Variants in CCDC57 observed in about 807,000 individuals in gnomAD.
CCDC57 encodes coiled-coil domain-containing protein 57.
In CCDC57, 118 loss-of-function variants were observed where a neutral mutation model predicts 118.9. That is an observed-to-expected ratio of 0.99 (90% CI 0.86 to 1.16). The LOEUF (loss-of-function observed/expected upper bound fraction) is 1.16. Among genes scored for constraint, CCDC57 ranks in the 50% most tolerant of loss-of-function variants. The pLI, the probability that CCDC57 is intolerant of heterozygous loss-of-function variation, is 0.00. For missense variants in CCDC57, 1,300 were observed against 1,320.7 expected (o/e 0.98, Z 0.24); for synonymous variants, 527 against 532.9 (o/e 0.99, Z 0.15).
Position 82,172,871 on chromosome 17 carries a change from C to T in CCDC57, c.1507-11G>A. ...CTGCCTGAGAAGCATCTGTCAAATA[C>T]AAGGAAAAATGGCTACAAAAAGATG... On this transcript the variant is annotated splice_polypyrimidine_tract_variant and intron_variant, in intron 11 of 19. Coordinates refer to ENST00000665763, the Ensembl canonical transcript of CCDC57. The surrounding 1 kb of genome is among the most constrained non-coding windows in gnomAD (Gnocchi z 5.2). 1 of 1,604,122 alleles carries T rather than the reference C, an allele frequency of 6.2e-7. No homozygotes were observed. Among genetic ancestry groups the T allele is most frequent in the Non-Finnish European group, 8.5e-7 (1 of 1,174,948 alleles).
chr17:82,198,258 T>G, intron 4 of CCDC57, 56 bp downstream of exon 3: 1 of 1,044,480 alleles, frequency 9.6e-7, no homozygotes, highest in South Asian at 1.3e-5. Context: ...TGATTTCAGT[T>G]TCACAGTGGG....
At chr17:82,133,696 A>C (rs373208934) in intron 17 of CCDC57, among the ~76,000 whole-genome samples, 276 of 152,172 alleles carry the variant, frequency 1.8e-3, no homozygotes, top group African/African-American at 6.4e-3. Flanking sequence ...CCCCATCTCT[A>C]CTAAAAATAC....
chr17:82,140,795 G>A (rs892031782), intron 16 of CCDC57, among the ~76,000 whole-genome samples: 1 of 152,042 alleles, frequency 6.6e-6, no homozygotes, highest in Non-Finnish European at 1.5e-5. Context: ...AGGAGAACCC[G>A]GCACAGCGCC....
chr17:82,179,475 GCAA>G (rs982077578), intron 9 of CCDC57, among the ~76,000 whole-genome samples: 2 of 152,218 alleles, frequency 1.3e-5, no homozygotes, highest in Non-Finnish European at 2.9e-5. Context: ...AGGGAGGAAA[GCAA>G]CAACCTTAAA....
intron 19 of CCDC57, among the ~76,000 whole-genome samples, chr17:82,114,307 G>A (rs1365398096): frequency 6.6e-6 from 1 of 152,202 alleles, no homozygotes; most frequent in Non-Finnish European, 1.5e-5. Flanking sequence ...TGCGGAGGTG[G>A]GGGCCAGAGG....
In CCDC57 at chr17:82,157,760, G is replaced by C. The variant is rs761343356; in HGVS notation, c.2229C>G (p.Ala743=). ...AGCGGGCACCCACCTCTCTCCCAAG[G>C]GCCACGGCGTCCGAGGCTGGGGGCT... Residue 743 remains alanine (A), a synonymous_variant, in exon 15 of 20, where the codon GCC becomes GCG. Coordinates refer to ENST00000665763, the Ensembl canonical transcript of CCDC57. The C allele has an allele frequency of 5.6e-6, 9 of 1,597,830 alleles. No individual in the cohort carries two copies. The South Asian group carries it at 5.7e-5, about 10-fold the overall frequency.
At chr17:82,201,796 A>G (rs774978936) in exon 3 of CCDC57, 1 of 1,613,582 alleles carries the variant, frequency 6.2e-7, no homozygotes, top group African/African-American at 1.3e-5. Flanking sequence ...CAGGCACCGC[A>G]GTTTCCCCTG....
chr17:82,187,232 A>C (rs2047037601), intron 8 of CCDC57, among the ~76,000 whole-genome samples: 1 of 103,676 alleles, frequency 9.6e-6, no homozygotes, highest in Non-Finnish European at 2.0e-5. Context: ...GCCAGACTCC[A>C]TCTCAAAAAA....
At chr17:82,141,624 A>G (rs1313750889) in intron 16 of CCDC57, among the ~76,000 whole-genome samples, 1 of 152,186 alleles carries the variant, frequency 6.6e-6, no homozygotes, top group East Asian at 1.9e-4. Context: ...GCCATCTACA[A>G]ACCAGCTCCA....
intron 16 of CCDC57, among the ~76,000 whole-genome samples, chr17:82,146,723 G>A (rs571306858): frequency 6.6e-6 from 1 of 152,320 alleles, no homozygotes; most frequent in South Asian, 2.1e-4. Flanking sequence ...ATGTGTGCAT[G>A]CATGCACACA....
chr17:82,192,555 C>T lies in CCDC57; in HGVS notation c.851+1201G>A, dbSNP rs1454956221. ...ACACACGAAGAGAAACAGTGTTTGT[C>T]CAGCTTCATCATGGCCACACGGTGC... is the stretch of plus-strand genomic sequence containing the variant. On this transcript the variant is annotated intron_variant, in intron 7 of 19. Coordinates refer to ENST00000665763, the Ensembl canonical transcript of CCDC57. This position sits in a 1 kb window ranked among gnomAD's most constrained non-coding sequence, Gnocchi z 4.0. Among the ~76,000 whole-genome samples, 1 of 152,214 alleles carries T rather than the reference C, an allele frequency of 6.6e-6. No individual in the cohort carries two copies. The highest frequency in any genetic ancestry group is 1.5e-5 in the Non-Finnish European group (1 of 68,026).
rs147538371 is a variant in CCDC57 at position 82,169,539 on chromosome 17, G to T, written c.1882+2162C>A. On this transcript the variant is annotated intron_variant, in intron 13 of 19. Transcript: ENST00000665763. ...TGGGGCCTGCCTCCCCTACACTAAG[G>T]GGGGCTGTGGCTCCAGCAGGGTGAA... Among the ~76,000 whole-genome samples, 90 of 152,268 alleles carry T rather than the reference G, an allele frequency of 5.9e-4. 1 individual carries two copies. In the East Asian group the frequency reaches 0.013, roughly 22 times the overall value.
intron 19 of CCDC57, among the ~76,000 whole-genome samples, chr17:82,124,513 C>G (rs1305080131): frequency 6.6e-6 from 1 of 152,164 alleles, no homozygotes; most frequent in Non-Finnish European, 1.5e-5. Context: ...AAAGATGAGG[C>G]CAGGCACGGT....
intron 19 of CCDC57, chr17:82,126,572 G>A (rs1200781596): frequency 1.0e-6 from 1 of 985,188 alleles, no homozygotes; most frequent in African/African-American, 1.7e-5. Flanking sequence ...TCCCAGCAGA[G>A]GCGCTGATGC....
chr17:82,114,984 C>G (rs2035667342), intron 19 of CCDC57, among the ~76,000 whole-genome samples: 1 of 152,186 alleles, frequency 6.6e-6, no homozygotes, highest in Non-Finnish European at 1.5e-5. Context: ...CTCAGAAGAC[C>G]AAGCCCGCCC....
chr17:82,200,296 C>G (rs2048842229), intron 3 of CCDC57, among the ~76,000 whole-genome samples: 1 of 152,178 alleles, frequency 6.6e-6, no homozygotes, highest in African/African-American at 2.4e-5. Flanking sequence ...GGACAGACAC[C>G]ACAAATCGAT....
At chr17:82,127,982 T>TC in intron 18 of CCDC57, 74 bp from the exon 18 acceptor site, 1 of 1,560,192 alleles carries the variant, frequency 6.4e-7, no homozygotes, top group Non-Finnish European at 8.6e-7. Context: ...CCCCAACCAC[T>TC]CCCCTCGGAG....
chr17:82,109,714 G>T (rs1043523085), intron 19 of CCDC57, among the ~76,000 whole-genome samples: 2 of 151,660 alleles, frequency 1.3e-5, no homozygotes, highest in Non-Finnish European at 2.9e-5. Flanking sequence ...AAAATTAGCC[G>T]GGCGTGGTGG....
intron 4 of CCDC57, among the ~76,000 whole-genome samples, chr17:82,196,761 C>T (rs1011775708): frequency 1.3e-4 from 19 of 141,656 alleles, no homozygotes; most frequent in Admixed American, 4.8e-4. Flanking sequence ...AGCCCCTCAT[C>T]ACACCTGCAC....
Sources: allele counts gnomAD v4.1 joint callset (sites outside exome capture counted in the v4.1 genomes callset), GRCh38; gene constraint gnomAD v4.1.1; non-coding constraint Gnocchi (gnomAD v3.1); transcripts MANE v1.5; gene names NCBI Gene and HGNC (gene_info 2026-07-23, HGNC 2026-07-21).